Variants in PRKG1 observed in about 807,000 individuals in gnomAD.
PRKG1 encodes the protein protein kinase cGMP-dependent 1.
A neutral mutation model predicts 88.1 loss-of-function variants in PRKG1; 35 were observed. The observed-to-expected ratio is 0.40, with a 90% CI of 0.30 to 0.53. The LOEUF (loss-of-function observed/expected upper bound fraction) is 0.53, where lower values mean the gene tolerates loss of function less well. PRKG1 is among the 20% of genes least tolerant of loss of function. The probability of loss-of-function intolerance (pLI) is 0.59; values close to 1 mark genes in which losing one functional copy is unlikely to be tolerated. For synonymous variants in PRKG1, 303 were observed against 292.5 expected, an observed-to-expected ratio of 1.04 and a Z score of -0.37; for missense variants, 540 against 839.8, an observed-to-expected ratio of 0.64 and a Z score of 4.41.
intron 4 of PRKG1, among the ~76,000 whole-genome samples, chr10:51,857,458 A>G (rs973210847): frequency 8.5e-5 from 13 of 152,128 alleles, no homozygotes; most frequent in Non-Finnish European, 2.9e-5. Context: ...CTCAGATTTC[A>G]GCAAACACTG....
At chr10:51,851,577 C>A (rs911664028) in intron 4 of PRKG1, among the ~76,000 whole-genome samples, 7 of 152,158 alleles carry the variant, frequency 4.6e-5, no homozygotes, top group African/African-American at 1.7e-4. Context: ...TACATTATTT[C>A]TTTGATTCAT....
At chr10:51,713,985 T>C (rs1841823180) in intron 3 of PRKG1, among the ~76,000 whole-genome samples, 1 of 152,160 alleles carries the variant, frequency 6.6e-6, no homozygotes. Flanking sequence ...TTTATTCTTA[T>C]TTTTATTTTT....
chr10:51,905,221 G>A (rs537004378), intron 4 of PRKG1, among the ~76,000 whole-genome samples: 1 of 152,206 alleles, frequency 6.6e-6, no homozygotes, highest in East Asian at 1.9e-4. Context: ...ACTGCCTTCT[G>A]GAAATTAAAC....
chr10:51,676,914 A>G (rs1183614596), intron 3 of PRKG1, among the ~76,000 whole-genome samples: 1 of 152,246 alleles, frequency 6.6e-6, no homozygotes, highest in Non-Finnish European at 1.5e-5. Flanking sequence ...TTTTATTAAA[A>G]TATGACATGA....
At chr10:52,164,364 G>GTAAA (rs5784909) in intron 9 of PRKG1, among the ~76,000 whole-genome samples, 31,329 of 148,860 alleles carry the variant, frequency 0.21, 5,173 homozygotes, top group African/African-American at 0.45. Context: ...AAATAAGTAA[G>GTAAA]TAAATAAATA....
chr10:52,186,404 T>A (rs1839202326), intron 9 of PRKG1, among the ~76,000 whole-genome samples: 1 of 152,030 alleles, frequency 6.6e-6, no homozygotes, highest in Non-Finnish European at 1.5e-5. Context: ...TCCAATCACC[T>A]CCTGCTATTC....
chr10:52,105,952 C>T (rs1589610720), intron 7 of PRKG1, among the ~76,000 whole-genome samples: 2 of 149,290 alleles, frequency 1.3e-5, no homozygotes, highest in South Asian at 2.1e-4. Context: ...AATGTGTAGT[C>T]TTTTATCCCC....
chr10:51,626,329 T>G (rs1053035844), intron 3 of PRKG1, among the ~76,000 whole-genome samples: 5 of 152,236 alleles, frequency 3.3e-5, no homozygotes, highest in Non-Finnish European at 5.9e-5. Context: ...AAAAACATAG[T>G]TGACATTTTA....
rs10995601 is a variant in PRKG1, at chr10:51,093,803, C to T, written c.311+18902C>T. On this transcript the variant is annotated intron_variant, in intron 1 of 17. Transcript: ENST00000373980. ...TATATGTATTTTATATATATATATA[C>T]ACACACACACACACACACACACACA... Among the ~76,000 whole-genome samples, 976 of 97,700 alleles carry T rather than the reference C, an allele frequency of 1.0e-2. 7 individuals carry two copies. The highest frequency in any genetic ancestry group is 0.05 in the African/African-American group (794 of 15,882). 64.1% of individuals were successfully genotyped at this position (97,700 alleles called of 152,430 possible). A position where few individuals can be genotyped will look rare whatever the true frequency, so the allele number is the denominator to read the frequency against.
intron 4 of PRKG1, among the ~76,000 whole-genome samples, chr10:51,817,243 AC>A (rs1173459673): frequency 6.6e-6 from 1 of 152,036 alleles, no homozygotes; most frequent in Admixed American, 6.6e-5. Flanking sequence ...CATGTGCAGA[AC>A]GTGCAGGTTT....
In PRKG1 at chr10:51,782,655, G is replaced by A. The variant is rs559745196; in HGVS notation, c.593-21930G>A. On this transcript the variant is annotated intron_variant, in intron 3 of 17. Transcript: ENST00000373980. ...CTGGTGGGAGATAACTGAATCTGGG[G>A]GTGGTTTCCCTCATACTGTTCTCAT... 8.3e-4 allele frequency among the ~76,000 whole-genome samples: 127 copies of A among 152,140 alleles called. 5 individuals carry two copies. In the South Asian group the frequency reaches 0.025, roughly 30 times the overall value.
At chr10:52,133,948 G>T in intron 8 of PRKG1, 43 bp downstream of exon 8, 1 of 1,463,316 alleles carries the variant, frequency 6.8e-7, no homozygotes, top group South Asian at 1.2e-5. Flanking sequence ...ACTCATATCA[G>T]CAACACACAT....
chr10:51,035,325 T>TC (rs1843339502), intron 1 of PRKG1, among the ~76,000 whole-genome samples: 1 of 152,184 alleles, frequency 6.6e-6, no homozygotes, highest in Non-Finnish European at 1.5e-5. Context: ...TTAAGTTTCC[T>TC]CCCCCGACAA....
intron 3 of PRKG1, among the ~76,000 whole-genome samples, chr10:51,739,902 C>A (rs1837387785): frequency 6.6e-6 from 1 of 152,166 alleles, no homozygotes; most frequent in Admixed American, 6.5e-5. Flanking sequence ...TATAGTGCAA[C>A]TGCACTCCAG....
chr10:52,284,276 T>A (rs1446991782), intron 14 of PRKG1, among the ~76,000 whole-genome samples: 1 of 152,010 alleles, frequency 6.6e-6, no homozygotes, highest in Non-Finnish European at 1.5e-5. Context: ...TAAAGCACTA[T>A]AAGTCACAAT....
intron 5 of PRKG1, among the ~76,000 whole-genome samples, chr10:51,972,250 T>C (rs1483494077): frequency 6.6e-6 from 1 of 152,214 alleles, no homozygotes; most frequent in Non-Finnish European, 1.5e-5. Context: ...TTTTTGCACA[T>C]CTTATATTTG....
chr10:51,727,274 CA>C (rs1259062564), intron 3 of PRKG1, among the ~76,000 whole-genome samples: 66 of 141,462 alleles, frequency 4.7e-4, no homozygotes, highest in East Asian at 6.3e-4. Flanking sequence ...GACCCCATTG[CA>C]AAAAAAAAAA....
chr10:51,899,471 CCTGA>C (rs1169145418), intron 4 of PRKG1, among the ~76,000 whole-genome samples: 2 of 151,324 alleles, frequency 1.3e-5, no homozygotes, highest in Non-Finnish European at 2.9e-5. Flanking sequence ...TCGAGACCAG[CCTGA>C]CTAACATGGT....
chr10:51,087,032 C>G (rs537378142), intron 1 of PRKG1, among the ~76,000 whole-genome samples: 1 of 152,154 alleles, frequency 6.6e-6, no homozygotes, highest in Non-Finnish European at 1.5e-5. Context: ...GTTTTTAAAT[C>G]GTCTCTGACA....
Sources: allele counts gnomAD v4.1 joint callset (sites outside exome capture counted in the v4.1 genomes callset), GRCh38; gene constraint gnomAD v4.1.1; transcripts MANE v1.5; gene names NCBI Gene and HGNC (gene_info 2026-07-23, HGNC 2026-07-21).